The following SYT17 variants were observed in gnomAD, a reference collection of about 807,000 sequenced individuals.
SYT17 encodes synaptotagmin 17.
SYT17 carries 22 observed loss-of-function variants against 46.7 expected under a neutral mutation model. The ratio of observed to expected loss-of-function variants is 0.47; its 90% confidence interval spans 0.34 to 0.67. SYT17 has a LOEUF of 0.67. SYT17 is among the 30% of genes least tolerant of loss of function. The pLI is 0.01. For missense variants in SYT17, 519 were observed against 612.8 expected, an observed-to-expected ratio of 0.85 and a Z score of 1.62; for synonymous variants, 251 against 248.4, an observed-to-expected ratio of 1.01 and a Z score of -0.10.
intron 5 of SYT17, among the ~76,000 whole-genome samples, chr16:19,197,426 TTTTG>T (rs5816035): frequency 0.022 from 3,338 of 150,382 alleles, 109 homozygotes; most frequent in African/African-American, 0.076. Flanking sequence ...TTTTGTTTTG[TTTTG>T]TTTGTTTGTT....
intron 5 of SYT17, among the ~76,000 whole-genome samples, chr16:19,203,577 G>A (rs1352738839): frequency 1.3e-5 from 2 of 152,206 alleles, no homozygotes; most frequent in Admixed American, 6.5e-5. Flanking sequence ...CCCATATGTC[G>A]GCTCTGGCTT....
intron 7 of SYT17, among the ~76,000 whole-genome samples, chr16:19,236,490 T>G (rs999043666): frequency 3.9e-5 from 6 of 152,162 alleles, no homozygotes; most frequent in African/African-American, 1.4e-4. Context: ...TTCTGAGGTC[T>G]CTAGGACTAC....
chr16:19,222,111 G>A (rs1196603654), intron 5 of SYT17, among the ~76,000 whole-genome samples: 4 of 152,138 alleles, frequency 2.6e-5, no homozygotes, highest in African/African-American at 7.2e-5. Flanking sequence ...TGAAGGATAT[G>A]CAGGTACAAT....
At chr16:19,232,917 G>C (rs1401125905) in intron 7 of SYT17, among the ~76,000 whole-genome samples, 1 of 152,120 alleles carries the variant, frequency 6.6e-6, no homozygotes, top group Admixed American at 6.5e-5. Context: ...CCCTAACCCT[G>C]TCTGTACGTT....
rs778707487 is a variant in SYT17, at chr16:19,223,101, C to A, written c.1008C>A (p.Gly336=). 1.7e-5 allele frequency: 28 copies of A among 1,613,942 alleles called. No homozygotes were observed. Among genetic ancestry groups the A allele is most frequent in the African/African-American group, 2.7e-5 (2 of 74,914 alleles). ...CACTGAATTATCTCCCAAGTGCTGG[C>A]AGACTGAATGTTGATGTCATTCGAG... is the stretch of plus-strand genomic sequence containing the variant. ...LLSLNYLPSA[G]RLNVDVIRAK... is the part of the protein sequence containing the mutation. Residue 336 remains glycine (G), a synonymous_variant, in exon 6 of 8, where the codon GGC becomes GGA. Transcript: ENST00000355377.
rs574891737 is a variant in SYT17 at position 19,196,241 on chromosome 16, G to T, written c.951+12094G>T. Among the ~76,000 whole-genome samples the T allele has an allele frequency of 1.7e-3, 208 of 119,840 alleles. 1 individual carries two copies. The highest frequency in any genetic ancestry group is 6.6e-3 in the African/African-American group (199 of 30,380). The allele number at this position is 119,840 out of a possible 152,430, so 78.6% of individuals were successfully genotyped here. On this transcript the variant is annotated intron_variant, in intron 5 of 7. Coordinates refer to ENST00000355377, the MANE Select transcript of SYT17 (RefSeq NM_016524.4). ...TGCCCCAGGCAGACAGTCGATAGAAGAATTTTTTTTTTTTTTTTAAAGACA... is the reference window on the plus strand; with the variant it reads ...TGCCCCAGGCAGACAGTCGATAGAATAATTTTTTTTTTTTTTTTAAAGACA...
intron 5 of SYT17, among the ~76,000 whole-genome samples, chr16:19,197,671 C>T (rs1481686210): frequency 6.6e-6 from 1 of 152,148 alleles, no homozygotes; most frequent in African/African-American, 2.4e-5. Flanking sequence ...AGCAATCCAC[C>T]TGCCTTGGTC....
At chr16:19,192,088 A>G (rs2142668491) in intron 5 of SYT17, among the ~76,000 whole-genome samples, 1 of 152,344 alleles carries the variant, frequency 6.6e-6, no homozygotes, top group African/African-American at 2.4e-5. Flanking sequence ...GCCGCACTGT[A>G]CAATTCTTTA....
chr16:19,238,425 C>T lies in SYT17; in HGVS notation c.1228+13587C>T, dbSNP rs571452305. On this transcript the variant is annotated intron_variant, in intron 7 of 7. Coordinates refer to ENST00000355377, the MANE Select transcript of SYT17 (RefSeq NM_016524.4). ...TCAGGAGATAGAAGCATAGACCTGA[C>T]CTGTTACCCTGGGGTTCTCCTGGCA... Among the ~76,000 whole-genome samples the T allele has an allele frequency of 5.9e-5, 9 of 152,276 alleles. No individual in the cohort carries two copies. In the South Asian group the frequency reaches 1.9e-3, roughly 32 times the overall value.
At chr16:19,167,946 A>C (rs1181531481), upstream of SYT17, 1 of 152,306 alleles carries the variant, frequency 6.6e-6, no homozygotes, top group African/African-American at 2.4e-5. Flanking sequence ...CGCCCACCTT[A>C]ACTTGAGGCT....
At position 19,168,467 on chromosome 16, in the gene SYT17, A is replaced by C; in HGVS notation, c.-180A>C. 2.5e-6 allele frequency: 2 copies of C among 799,084 alleles called. No individual in the cohort carries two copies. Among genetic ancestry groups the C allele is most frequent in the Non-Finnish European group, 3.9e-6 (2 of 510,322 alleles). The allele number at this position is 799,084 out of a possible 1,614,324, so 49.5% of individuals were successfully genotyped here. On this transcript the variant is annotated 5_prime_UTR_variant, in exon 1 of 8. Transcript: ENST00000355377. The surrounding 1 kb of genome is among the most constrained non-coding windows in gnomAD (Gnocchi z 6.9). ...GAGAGCCGGAACGCAGGGAAAGGCA[A>C]GGACGGGGCGGCCGGCGGAGGGGCG...
At chr16:19,185,969 C>T (rs1964773015) in intron 5 of SYT17, among the ~76,000 whole-genome samples, 1 of 152,126 alleles carries the variant, frequency 6.6e-6, no homozygotes, top group Non-Finnish European at 1.5e-5. Context: ...TGATGCTGAG[C>T]CTTCTTGCGG....
chr16:19,267,167 T>A lies in SYT17; in HGVS notation c.*91T>A, dbSNP rs970505889. 6 of 1,164,948 alleles carry A rather than the reference T, an allele frequency of 5.2e-6. No homozygotes were observed. The African/African-American group carries it at 9.5e-5, about 18-fold the overall frequency. 72.2% of individuals were successfully genotyped at this position (1,164,948 alleles called of 1,614,324 possible). ...ACATACTATTACATCCACACCTGCA[T>A]ACACACTCGCAACATGTCTACACAC... On this transcript the variant is annotated 3_prime_UTR_variant, in exon 8 of 8. Transcript: ENST00000355377.
intron 7 of SYT17, among the ~76,000 whole-genome samples, chr16:19,239,727 C>T (rs556607426): frequency 7.2e-5 from 11 of 152,302 alleles, no homozygotes; most frequent in Admixed American, 2.0e-4. Context: ...TGCCTGGTGG[C>T]GCCTTTGTCT....
intron 3 of SYT17, among the ~76,000 whole-genome samples, chr16:19,175,666 A>AAAG (rs1964287778): frequency 6.6e-6 from 1 of 151,126 alleles, no homozygotes; most frequent in African/African-American, 2.4e-5. Context: ...AAAAAAAAAA[A>AAAG]AGGATTCTAC....
intron 3 of SYT17, among the ~76,000 whole-genome samples, chr16:19,177,615 C>G (rs1964366276): frequency 2.6e-5 from 4 of 152,152 alleles, no homozygotes; most frequent in Admixed American, 1.3e-4. Context: ...ATGGGACTTG[C>G]CTCTGTGGAC....
At chr16:19,243,819 C>CAAAA (rs760219447) in intron 7 of SYT17, among the ~76,000 whole-genome samples, 1 of 56,920 alleles carries the variant, frequency 1.8e-5, no homozygotes, top group African/African-American at 6.8e-5. Context: ...AAAACTCCAT[C>CAAAA]AAAAAAAAAA....
At chr16:19,192,083 A>G in intron 5 of SYT17, among the ~76,000 whole-genome samples, 1 of 152,208 alleles carries the variant, frequency 6.6e-6, no homozygotes. Flanking sequence ...GCGCGGCCGC[A>G]CTGTACAATT....
intron 7 of SYT17, among the ~76,000 whole-genome samples, chr16:19,242,374 G>T (rs1417506627): frequency 6.6e-6 from 1 of 152,316 alleles, no homozygotes; most frequent in South Asian, 2.1e-4. Flanking sequence ...TGTGCAAAAG[G>T]CCCTGGGGCA....
Sources: gnomAD v4.1 joint callset for allele counts (sites outside exome capture counted in the v4.1 genomes callset) on GRCh38, gnomAD v4.1.1 for gene constraint, Gnocchi (gnomAD v3.1) non-coding constraint, MANE v1.5 for transcripts, NCBI Gene and HGNC (gene_info 2026-07-23, HGNC 2026-07-21) for gene names.